ABCG5: variants seen among roughly 807,000 people sequenced by gnomAD.
ABCG5 encodes ATP binding cassette subfamily G member 5.
A neutral mutation model predicts 64.5 loss-of-function variants in ABCG5; 64 were observed. The observed-to-expected ratio is 0.99, with a 90% CI of 0.81 to 1.22. The LOEUF is 1.22. Ranked by LOEUF, ABCG5 falls within the 50% of genes most tolerant of loss-of-function variation. ABCG5 has a pLI of 0.00. For missense variants in ABCG5, 908 were observed against 829.5 expected (o/e 1.09, Z -1.16); for synonymous variants, 385 against 326.3 (o/e 1.18, Z -1.94).
intron 11 of ABCG5, 134 bp downstream of exon 11, chr2:43,819,781 A>G (rs1667068580): frequency 9.4e-6 from 9 of 955,040 alleles, no homozygotes; most frequent in Non-Finnish European, 6.6e-6. Context: ...AACGAGCAGT[A>G]TAAATGCTCT....
chr2:43,813,382 C>G, intron 12 of ABCG5, 73 bp from the exon 13 acceptor site: 1 of 1,106,252 alleles, frequency 9.0e-7, no homozygotes. Flanking sequence ...ATTTACCAAG[C>G]GCTTGCTAAG....
In ABCG5 at chr2:43,813,327, G is replaced by T; in HGVS notation, c.1763-18C>A. ...TGAGCTGCCTGTCAAGGAAAAGATT[G>T]ACAGTGTCAGGTGTGGTTTATCTCA... On this transcript the variant is annotated intron_variant, in intron 12 of 12. Coordinates refer to ENST00000405322, the MANE Select transcript of ABCG5 (RefSeq NM_022436.3). 3 of 1,562,292 alleles carry T rather than the reference G, an allele frequency of 1.9e-6. No homozygotes were observed. Among genetic ancestry groups the T allele is most frequent in the South Asian group, 2.2e-5 (2 of 89,224 alleles).
intron 11 of ABCG5, 117 bp downstream of exon 11, chr2:43,819,798 T>C (rs1466600941): frequency 1.8e-6 from 2 of 1,097,050 alleles, no homozygotes; most frequent in African/African-American, 3.1e-5. Context: ...CTCTAGACTA[T>C]AAGGTAATAT....
At chr2:43,836,819 T>C (rs1668298538) in intron 2 of ABCG5, among the ~76,000 whole-genome samples, 1 of 151,832 alleles carries the variant, frequency 6.6e-6, no homozygotes, top group African/African-American at 2.4e-5. Flanking sequence ...TTTAATTCCT[T>C]AAAAAAGAAA....
chr2:43,826,711 C>T (rs564388482), intron 5 of ABCG5, among the ~76,000 whole-genome samples, 190 bp from the exon 6 acceptor site: 5 of 152,332 alleles, frequency 3.3e-5, no homozygotes, highest in Admixed American at 1.3e-4. Context: ...GGGCCTAGTT[C>T]CCAGCTCTGG....
At chr2:43,823,271 C>G (rs1469094921) in intron 9 of ABCG5, among the ~76,000 whole-genome samples, 1 of 143,936 alleles carries the variant, frequency 6.9e-6, no homozygotes, top group Non-Finnish European at 1.5e-5. Context: ...TGCAGGATTC[C>G]CCCCACCCCA....
chr2:43,836,040 G>T (rs1293322066), intron 2 of ABCG5, among the ~76,000 whole-genome samples: 1 of 151,884 alleles, frequency 6.6e-6, no homozygotes, highest in African/African-American at 2.4e-5. Flanking sequence ...AGGTTCAAGG[G>T]ATTCTCCTGC....
At chr2:43,806,698 T>C in the ABCG5 span, among the ~76,000 whole-genome samples, 1 of 152,204 alleles carries the variant, frequency 6.6e-6, no homozygotes, top group Admixed American at 6.5e-5. Flanking sequence ...TTCATATACA[T>C]CAGTATTATT....
downstream of ABCG5, among the ~76,000 whole-genome samples, chr2:43,811,220 T>G (rs1041846666): frequency 6.6e-6 from 1 of 152,210 alleles, no homozygotes; most frequent in African/African-American, 2.4e-5. Context: ...CTATAACTGA[T>G]GTGACATATA....
chr2:43,824,656 G>A (rs1667477326), intron 7 of ABCG5: 1 of 984,526 alleles, frequency 1.0e-6, no homozygotes, highest in Admixed American at 6.2e-5. Context: ...AGCTAATTAT[G>A]CTCTGATAAA....
chr2:43,838,667 A>G lies in ABCG5; in HGVS notation c.13T>C (p.Ser5Pro). MGDL[S>P]SLTPGGSMGL... ...ATGGACCCTCCGGGGGTCAAAGATGAGAGGTCACCCATGGCCAACAGGCAG... is the reference window on the plus strand; with the variant it reads ...ATGGACCCTCCGGGGGTCAAAGATGGGAGGTCACCCATGGCCAACAGGCAG... Residue 5 changes from serine to proline, a missense_variant, in exon 1 of 13, where the codon TCA (serine) becomes CCA (proline). Coordinates refer to ENST00000405322, the MANE Select transcript of ABCG5 (RefSeq NM_022436.3). This position sits in a 1 kb window ranked among gnomAD's most constrained non-coding sequence, Gnocchi z 4.2. 1 of 1,613,686 alleles carries G rather than the reference A, an allele frequency of 6.2e-7. No individual in the cohort carries two copies. The highest frequency in any genetic ancestry group is 1.1e-5 in the South Asian group (1 of 91,008).
At chr2:43,813,572 T>C (rs1052067801) in intron 12 of ABCG5, among the ~76,000 whole-genome samples, 1 of 152,036 alleles carries the variant, frequency 6.6e-6, no homozygotes, top group African/African-American at 2.4e-5. Context: ...GCACAGACTA[T>C]CCTAAAGTTA....
intron 5 of ABCG5, 89 bp downstream of exon 5, chr2:43,827,894 T>C: frequency 6.3e-7 from 1 of 1,576,540 alleles, no homozygotes; most frequent in Admixed American, 1.8e-5. Context: ...CCTTTCCAAA[T>C]GAGGACCGTG....
chr2:43,830,107 T>A (rs986053388), intron 4 of ABCG5, among the ~76,000 whole-genome samples: 1 of 152,124 alleles, frequency 6.6e-6, no homozygotes, highest in East Asian at 1.9e-4. Flanking sequence ...TGTAACATCA[T>A]AAGGAGTAAG....
At chr2:43,810,315 C>T (rs1000316499), downstream of ABCG5, 84 of 971,130 alleles carry the variant, frequency 8.6e-5, no homozygotes, top group African/African-American at 1.3e-3. Context: ...CATTTTTAAT[C>T]AGCACCAATT....
Position 43,824,932 on chromosome 2 carries a change from G to A in ABCG5, c.861C>T (p.Cys287=), listed in dbSNP as rs530120175. ...TTGAATGTTCAGGACAAGGGTAACC[G>A]CAGTCATTGAAGAAATCAAGCATTT... ...PAEMLDFFND[C]GYPCPEHSNP... The change falls in exon 7 of 13, where the codon TGC becomes TGT. Residue 287 remains cysteine, a synonymous_variant. Coordinates refer to ENST00000405322, the MANE Select transcript of ABCG5 (RefSeq NM_022436.3). 29 of 1,613,990 alleles carry A rather than the reference G, an allele frequency of 1.8e-5. No homozygotes were observed. Among genetic ancestry groups the A allele is most frequent in the East Asian group, 4.5e-5 (2 of 44,842 alleles).
chr2:43,807,848 C>G (rs1666326300), downstream of ABCG5, among the ~76,000 whole-genome samples: 1 of 150,716 alleles, frequency 6.6e-6, no homozygotes, highest in African/African-American at 2.4e-5. Flanking sequence ...ACTTGCTATC[C>G]CTTTAAAACA....
downstream of ABCG5, chr2:43,810,571 C>T (rs1666446365): frequency 1.1e-6 from 1 of 944,774 alleles, no homozygotes; most frequent in Non-Finnish European, 1.3e-6. Flanking sequence ...TATGTTCTTC[C>T]ATGTCCACAT....
At position 43,838,370 on chromosome 2, in the gene ABCG5, A is replaced by C; in HGVS notation, c.143+167T>G. The C allele has an allele frequency of 1.4e-6, 1 of 693,178 alleles. No individual in the cohort carries two copies. Among genetic ancestry groups the C allele is most frequent in the Non-Finnish European group, 2.4e-6 (1 of 419,626 alleles). The allele number at this position is 693,178 out of a possible 1,614,324, so 42.9% of individuals were successfully genotyped here. ...GGGAGGGGCCATTCACTGTCGCTCC[A>C]TGTTTCCCAGCACAGCCCTTCTCCC... On this transcript the variant is annotated intron_variant, in intron 1 of 12. Transcript: ENST00000405322. This position sits in a 1 kb window ranked among gnomAD's most constrained non-coding sequence, Gnocchi z 4.2.
Sources: gnomAD v4.1 joint callset for allele counts (sites outside exome capture counted in the v4.1 genomes callset) on GRCh38, gnomAD v4.1.1 for gene constraint, Gnocchi (gnomAD v3.1) non-coding constraint, MANE v1.5 for transcripts, NCBI Gene and HGNC (gene_info 2026-07-23, HGNC 2026-07-21) for gene names.